Variants in PCDHGA3 observed in about 807,000 individuals in gnomAD.
PCDHGA3 encodes the protein protocadherin gamma-A3.
Under a neutral mutation model 58.5 loss-of-function variants are expected in PCDHGA3, and 40 were observed. The observed-to-expected ratio is 0.68, with a 90% CI of 0.53 to 0.89. PCDHGA3 has a LOEUF of 0.89. Ranked by LOEUF, PCDHGA3 falls within the 40% of genes least tolerant of loss-of-function variation. The pLI, the probability that PCDHGA3 is intolerant of heterozygous loss-of-function variation, is 0.00. For missense variants in PCDHGA3, 1,223 were observed against 1,195.9 expected (o/e 1.02, Z -0.33); for synonymous variants, 530 against 525.7 (o/e 1.01, Z -0.11).
rs1419819549 is a variant in PCDHGA3 at position 141,405,132 on chromosome 5, C to T, written c.2424+58675C>T. ...TGGCACTCCTCGCATCTGCTGCGGG[C>T]TACCAGTGATGGGTTGGCTGGTGTG... On this transcript the variant is annotated intron_variant, in intron 1 of 3. Transcript: ENST00000253812. 2 of 1,614,032 alleles carry T rather than the reference C, an allele frequency of 1.2e-6. No individual in the cohort carries two copies. Among genetic ancestry groups the T allele is most frequent in the East Asian group, 4.5e-5 (2 of 44,860 alleles).
At chr5:141,358,595 C>T (rs1760962158) in intron 1 of PCDHGA3, among the ~76,000 whole-genome samples, 1 of 152,188 alleles carries the variant, frequency 6.6e-6, no homozygotes, top group Admixed American at 6.5e-5. Flanking sequence ...TGGTGCACTC[C>T]TGTGATTATG....
rs764976894 is a variant in PCDHGA3, at chr5:141,476,238, G to T, written c.2425-18569G>T. On this transcript the variant is annotated intron_variant, in intron 1 of 3. Transcript: ENST00000253812. The surrounding 1 kb of genome is among the most constrained non-coding windows in gnomAD (Gnocchi z 7.6). ...ATTCACTATGAGATCCCGGAGGAAA[G>T]AGAGAAGGGTTTCGCTGTGGGCAAC... is the stretch of plus-strand genomic sequence containing the variant. The T allele has an allele frequency of 3.1e-6, 5 of 1,614,098 alleles. No individual in the cohort carries two copies. The highest frequency in any genetic ancestry group is 4.2e-6 in the Non-Finnish European group (5 of 1,180,012).
Position 141,421,691 on chromosome 5 carries a change from T to A in PCDHGA3, c.2425-73116T>A, listed in dbSNP as rs1175919580. ...GCAATTCCTGGGGCGCGATTTGCTC[T>A]TCCTAATGCTAGGGATCCAGATGTG... On this transcript the variant is annotated intron_variant, in intron 1 of 3. Coordinates refer to ENST00000253812, the MANE Select transcript of PCDHGA3 (RefSeq NM_018916.4). 6.2e-7 allele frequency: 1 copy of A among 1,613,816 alleles called. No individual in the cohort carries two copies. The highest frequency in any genetic ancestry group is 1.3e-5 in the African/African-American group (1 of 74,938).
intron 1 of PCDHGA3, chr5:141,383,948 C>T (rs199642192): frequency 3.1e-6 from 5 of 1,613,482 alleles, no homozygotes; most frequent in East Asian, 4.5e-5. Context: ...GTGACTATGA[C>T]GTCTTTAAGT....
intron 1 of PCDHGA3, among the ~76,000 whole-genome samples, chr5:141,454,120 T>C (rs956675583): frequency 6.6e-5 from 10 of 152,228 alleles, no homozygotes; most frequent in African/African-American, 2.4e-4. Context: ...ATAGAAGAAA[T>C]AGCTGACCAT....
At chr5:141,415,686 G>A in intron 1 of PCDHGA3, 2 of 1,535,424 alleles carry the variant, frequency 1.3e-6, no homozygotes, top group Non-Finnish European at 1.8e-6. Context: ...GCGGCATGAT[G>A]GTGGAAAGTG....
intron 1 of PCDHGA3, chr5:141,420,119 T>C: frequency 6.2e-7 from 1 of 1,614,044 alleles, no homozygotes; most frequent in Non-Finnish European, 8.5e-7. Context: ...TGCCTATAAT[T>C]TTTGTGTGCC....
Position 141,476,110 on chromosome 5 carries a change from G to A in PCDHGA3, c.2425-18697G>A. ...GACCCCGCTGAGAGGAACTGCTTTT[G>A]AGTGAGATGGTCCCAGAGGCCTGGA... On this transcript the variant is annotated intron_variant, in intron 1 of 3. Transcript: ENST00000253812. The surrounding 1 kb of genome is among the most constrained non-coding windows in gnomAD (Gnocchi z 7.6). 1.9e-6 allele frequency: 3 copies of A among 1,589,382 alleles called. No homozygotes were observed. The highest frequency in any genetic ancestry group is 2.6e-6 in the Non-Finnish European group (3 of 1,170,364).
intron 1 of PCDHGA3, chr5:141,383,840 T>G: frequency 1.2e-6 from 2 of 1,613,952 alleles, no homozygotes; most frequent in South Asian, 2.2e-5. Flanking sequence ...GAAACTGCCT[T>G]CTATGAAATG....
At chr5:141,429,801 C>T (rs2097245893) in intron 1 of PCDHGA3, among the ~76,000 whole-genome samples, 1 of 152,104 alleles carries the variant, frequency 6.6e-6, no homozygotes, top group African/African-American at 2.4e-5. Flanking sequence ...CAGTAATTCT[C>T]AGTAATTACA....
At chr5:141,501,569 G>A (rs1401631416) in intron 2 of PCDHGA3, among the ~76,000 whole-genome samples, 3 of 151,998 alleles carry the variant, frequency 2.0e-5, no homozygotes, top group African/African-American at 7.2e-5. Flanking sequence ...AATCATATTA[G>A]GCTGGCTTTC....
At chr5:141,408,286 C>G (rs751845459) in intron 1 of PCDHGA3, 81 of 1,613,074 alleles carry the variant, frequency 5.0e-5, no homozygotes, top group Non-Finnish European at 6.3e-5. Context: ...TCTACCCCAC[C>G]CTGAGTGAGC....
Position 141,345,383 on chromosome 5 carries a change from C to T in PCDHGA3, c.1350C>T (p.Pro450=), listed in dbSNP as rs763946038. ...LHVIDINDNP[P]TFPHLSYSAY... is the part of the protein sequence containing the mutation. ...TGATTGACATCAATGACAACCCACC[C>T]ACCTTCCCTCATTTATCCTACTCCG... The change falls in exon 1 of 4, where the codon CCC becomes CCT. Residue 450 remains proline, a synonymous_variant. Coordinates refer to ENST00000253812, the MANE Select transcript of PCDHGA3 (RefSeq NM_018916.4). The T allele has an allele frequency of 1.9e-6, 3 of 1,614,114 alleles. No homozygotes were observed. The highest frequency in any genetic ancestry group is 1.1e-5 in the South Asian group (1 of 91,074).
chr5:141,389,410 GCGGGGTGGTGTTCGCGCAGCGCGC>G, intron 1 of PCDHGA3: 1 of 1,613,600 alleles, frequency 6.2e-7, no homozygotes, highest in Non-Finnish European at 8.5e-7. Context: ...AGCGCGGAGA[GCGGGGTGGTGTTCGCGCAGCGCGC>G]CTTCGACCAC....
chr5:141,364,966 C>T (rs1325168008), intron 1 of PCDHGA3: 1 of 1,613,938 alleles, frequency 6.2e-7, no homozygotes, highest in South Asian at 1.1e-5. Context: ...ACCTCCTCCT[C>T]ACAGCTTTAG....
intron 1 of PCDHGA3, chr5:141,371,970 C>A: frequency 6.2e-7 from 1 of 1,613,250 alleles, no homozygotes; most frequent in Non-Finnish European, 8.5e-7. Context: ...CGAGCAGCTG[C>A]GTGCCTTCGA....
At chr5:141,412,792 C>T (rs1387029327) in intron 1 of PCDHGA3, among the ~76,000 whole-genome samples, 1 of 152,194 alleles carries the variant, frequency 6.6e-6, no homozygotes. Flanking sequence ...TCCACTTTAT[C>T]ACACCTCCCC....
chr5:141,381,826 C>CTTTTTTTTTTTTTTTTTTTTTTTTTTTT (rs770630741), intron 1 of PCDHGA3, among the ~76,000 whole-genome samples: 17 of 74,292 alleles, frequency 2.3e-4, no homozygotes, highest in Non-Finnish European at 3.3e-4. Context: ...CTTTCTTCTT[C>CTTTTTTTTTTTTTTTTTTTTTTTTTTTT]TTTTTTTTTT....
chr5:141,380,968 A>T (rs1005346854), intron 1 of PCDHGA3, among the ~76,000 whole-genome samples: 1 of 152,270 alleles, frequency 6.6e-6, no homozygotes, highest in African/African-American at 2.4e-5. Flanking sequence ...AAGTACTATT[A>T]AACAAATAGA....
Sources: allele counts gnomAD v4.1 joint callset (sites outside exome capture counted in the v4.1 genomes callset), GRCh38; gene constraint gnomAD v4.1.1; non-coding constraint Gnocchi (gnomAD v3.1); transcripts MANE v1.5; gene names NCBI Gene and HGNC (gene_info 2026-07-23, HGNC 2026-07-21).